Variants in FAM219A observed in about 807,000 individuals in gnomAD.
The protein encoded by FAM219A is protein FAM219A.
A neutral mutation model predicts 23.4 loss-of-function variants in FAM219A; 7 were observed. The observed-to-expected ratio is 0.30, with a 90% confidence interval of 0.17 to 0.56. The LOEUF (loss-of-function observed/expected upper bound fraction) is 0.56. FAM219A is among the 20% of genes least tolerant of loss of function. The pLI is 0.92. For missense variants in FAM219A, 166 were observed against 246.9 expected, an observed-to-expected ratio of 0.67 and a Z score of 2.20; for synonymous variants, 93 against 99.0, an observed-to-expected ratio of 0.94 and a Z score of 0.36.
chr9:34,435,585 A>G (rs961474803), intron 1 of FAM219A, among the ~76,000 whole-genome samples: 4 of 152,234 alleles, frequency 2.6e-5, no homozygotes, highest in Non-Finnish European at 5.9e-5. Context: ...ATATATACCA[A>G]TTTAAACATA....
At chr9:34,411,693 A>G (rs908229115) in intron 1 of FAM219A, among the ~76,000 whole-genome samples, 3 of 88,336 alleles carry the variant, frequency 3.4e-5, no homozygotes, top group African/African-American at 1.5e-4. Context: ...AAAAAAAAAA[A>G]GAAAGAAAGA....
At chr9:34,423,609 T>G (rs879018307) in intron 1 of FAM219A, among the ~76,000 whole-genome samples, 1 of 152,202 alleles carries the variant, frequency 6.6e-6, no homozygotes, top group African/African-American at 2.4e-5. Context: ...GGGGAGCCAC[T>G]GAAGGATTTT....
intron 1 of FAM219A, among the ~76,000 whole-genome samples, chr9:34,418,347 TACC>T (rs2131957472): frequency 6.6e-6 from 1 of 152,324 alleles, no homozygotes; most frequent in South Asian, 2.1e-4. Flanking sequence ...TCATTCCTAT[TACC>T]ACTCACCAGA....
At position 34,458,190 on chromosome 9, in the gene FAM219A, G is replaced by C; in HGVS notation, c.60+14C>G. On this transcript the variant is annotated intron_variant, in intron 1 of 5. Coordinates refer to ENST00000651358, the MANE Select transcript of FAM219A (RefSeq NM_001184940.2). The surrounding 1 kb of genome is among the most constrained non-coding windows in gnomAD (Gnocchi z 6.6). ...CCCCTCCGGCCTTGGCCTGCCCGCC[G>C]CCCGCCCCCTCACCAGCGGCTGCAT... The C allele has an allele frequency of 6.3e-7, 1 of 1,576,842 alleles. No individual in the cohort carries two copies.
In FAM219A at chr9:34,401,125, G is replaced by A; in HGVS notation, c.400-3C>T. The A allele has an allele frequency of 6.2e-7, 1 of 1,613,042 alleles. No homozygotes were observed. The highest frequency in any genetic ancestry group is 1.1e-5 in the South Asian group (1 of 91,004). ...ATGTTCAAATCTTGGTTGATCTGCT[G>A]TAGGCAAAGGGGAGGGAGGTCAGGC... On this transcript the variant is annotated splice_polypyrimidine_tract_variant and splice_region_variant and intron_variant, in intron 5 of 5. Transcript: ENST00000651358.
At chr9:34,421,699 C>T (rs1822291528) in intron 1 of FAM219A, among the ~76,000 whole-genome samples, 1 of 151,886 alleles carries the variant, frequency 6.6e-6, no homozygotes, top group Non-Finnish European at 1.5e-5. Context: ...CTGCCACAGC[C>T]TCCCCCACCC....
chr9:34,438,374 G>T (rs112860081), intron 1 of FAM219A, among the ~76,000 whole-genome samples: 1 of 152,238 alleles, frequency 6.6e-6, no homozygotes, highest in Non-Finnish European at 1.5e-5. Context: ...CTGCAGCACC[G>T]GTGCGGGATC....
intron 1 of FAM219A, among the ~76,000 whole-genome samples, chr9:34,430,107 T>G (rs2131979950): frequency 6.6e-6 from 1 of 151,946 alleles, no homozygotes; most frequent in Admixed American, 6.5e-5. Flanking sequence ...TAGACATGTG[T>G]GGGGGGAGGT....
At position 34,458,127 on chromosome 9, in the gene FAM219A, C is replaced by A; in HGVS notation, c.60+77G>T. 1 of 1,388,944 alleles carries A rather than the reference C, an allele frequency of 7.2e-7. No homozygotes were observed. Among genetic ancestry groups the A allele is most frequent in the Non-Finnish European group, 9.6e-7 (1 of 1,038,406 alleles). 86.0% of individuals were successfully genotyped at this position (1,388,944 alleles called of 1,614,324 possible). A position where few individuals can be genotyped will look rare whatever the true frequency, so the allele number is the denominator to read the frequency against. On this transcript the variant is annotated intron_variant, in intron 1 of 5. Coordinates refer to ENST00000651358, the MANE Select transcript of FAM219A (RefSeq NM_001184940.2). This position sits in a 1 kb window ranked among gnomAD's most constrained non-coding sequence, Gnocchi z 6.6. ...TCCGATGGCGCCCCTCCGCACGATC[C>A]CCCCGGCCTGATTCCCTCCCTCCCC...
Position 34,429,528 on chromosome 9 carries a change from G to A in FAM219A, c.61-23564C>T, listed in dbSNP as rs915468684. 5.3e-5 allele frequency among the ~76,000 whole-genome samples: 8 copies of A among 152,284 alleles called. No individual in the cohort carries two copies. The East Asian group carries it at 1.5e-3, about 29-fold the overall frequency. ...CCAGAAAATTTAATCCCTAGTATAT[G>A]ATTATGATTCTTCTGACCTTTCAGA... is the stretch of plus-strand genomic sequence containing the variant. On this transcript the variant is annotated intron_variant, in intron 1 of 5. Coordinates refer to ENST00000651358, the MANE Select transcript of FAM219A (RefSeq NM_001184940.2).
At chr9:34,421,120 C>T (rs1015677928) in intron 1 of FAM219A, among the ~76,000 whole-genome samples, 9 of 151,868 alleles carry the variant, frequency 5.9e-5, no homozygotes, top group Non-Finnish European at 1.0e-4. Flanking sequence ...AGGCCTGTTC[C>T]GTGCAGCAGG....
Position 34,458,533 on chromosome 9 carries a change from G to A in FAM219A, c.-270C>T. The A allele has an allele frequency of 2.6e-6, 1 of 378,706 alleles. No homozygotes were observed. The highest frequency in any genetic ancestry group is 4.2e-5 in the Admixed American group (1 of 23,804). 23.5% of individuals were successfully genotyped at this position (378,706 alleles called of 1,614,324 possible). A position where few individuals can be genotyped will look rare whatever the true frequency, so the allele number is the denominator to read the frequency against. Reference sequence around the variant, plus strand: ...GTCTTGCCTCGCCTCCTACTCCGCTGCCGCCTCCTGTCAGCAGCTCAGCCA... The same window carrying A: ...GTCTTGCCTCGCCTCCTACTCCGCTACCGCCTCCTGTCAGCAGCTCAGCCA... On this transcript the variant is annotated 5_prime_UTR_variant, in exon 1 of 6. Transcript: ENST00000651358. The surrounding 1 kb of genome is among the most constrained non-coding windows in gnomAD (Gnocchi z 6.6).
At chr9:34,402,945 G>A (rs1821504489) in intron 2 of FAM219A, 138 bp from the exon 3 acceptor site, 2 of 687,748 alleles carry the variant, frequency 2.9e-6, no homozygotes, top group South Asian at 3.8e-5. Flanking sequence ...CCAACTCCAG[G>A]CCCCTGCTGC....
intron 4 of FAM219A, 189 bp downstream of exon 4, chr9:34,402,198 C>T: frequency 3.9e-6 from 6 of 1,530,704 alleles, no homozygotes; most frequent in Non-Finnish European, 5.3e-6. Flanking sequence ...TTTCCTCTCT[C>T]TGCCACCTCT....
In FAM219A at chr9:34,438,144, G is replaced by A. The variant is rs570316691; in HGVS notation, c.60+20060C>T. Reference sequence around the variant, plus strand: ...GGCGCTGTGCTCGATTTCTCACCAAGCCTTAGCTGCCTTCCTGCGGGGCAG... The same window carrying A: ...GGCGCTGTGCTCGATTTCTCACCAAACCTTAGCTGCCTTCCTGCGGGGCAG... On this transcript the variant is annotated intron_variant, in intron 1 of 5. Transcript: ENST00000651358. 1.6e-3 allele frequency among the ~76,000 whole-genome samples: 250 copies of A among 152,342 alleles called. 1 individual carries two copies. Among genetic ancestry groups the A allele is most frequent in the African/African-American group, 5.5e-3 (228 of 41,576 alleles).
At chr9:34,442,018 A>G (rs1407223835) in intron 1 of FAM219A, among the ~76,000 whole-genome samples, 1 of 152,184 alleles carries the variant, frequency 6.6e-6, no homozygotes, top group Non-Finnish European at 1.5e-5. Flanking sequence ...TGCCTAGCCA[A>G]CTTTTATAGT....
In FAM219A at chr9:34,438,315, G is replaced by A. The variant is rs180881209; in HGVS notation, c.60+19889C>T. Among the ~76,000 whole-genome samples, 325 of 152,358 alleles carry A rather than the reference G, an allele frequency of 2.1e-3. 2 individuals carry two copies. Among genetic ancestry groups the A allele is most frequent in the African/African-American group, 7.0e-3 (293 of 41,576 alleles). On this transcript the variant is annotated intron_variant, in intron 1 of 5. Coordinates refer to ENST00000651358, the MANE Select transcript of FAM219A (RefSeq NM_001184940.2). ...GCGCCCAGTCCCATCGACCACACAA[G>A]GGCTGAGGAGTGCGGGCGCATGGCA...
intron 1 of FAM219A, among the ~76,000 whole-genome samples, chr9:34,420,137 A>G (rs1822207814): frequency 6.6e-6 from 1 of 152,150 alleles, no homozygotes; most frequent in South Asian, 2.1e-4. Flanking sequence ...CTGAACCCCA[A>G]CAAGGGGGAG....
intron 1 of FAM219A, among the ~76,000 whole-genome samples, chr9:34,454,430 C>T (rs750826794): frequency 3.3e-5 from 5 of 152,092 alleles, no homozygotes; most frequent in Non-Finnish European, 5.9e-5. Context: ...AGCGAGACTC[C>T]GTCTCAAAAG....
Sources: gnomAD v4.1 joint callset for allele counts (sites outside exome capture counted in the v4.1 genomes callset) on GRCh38, gnomAD v4.1.1 for gene constraint, Gnocchi (gnomAD v3.1) non-coding constraint, MANE v1.5 for transcripts, NCBI Gene and HGNC (gene_info 2026-07-23, HGNC 2026-07-21) for gene names.